COL12A1: variants seen among roughly 807,000 people sequenced by gnomAD.
COL12A1 encodes collagen type XII alpha 1 chain.
COL12A1 carries 114 observed loss-of-function variants against 349.7 expected under a neutral mutation model. The ratio of observed to expected loss-of-function variants is 0.33; its 90% confidence interval spans 0.28 to 0.38. The LOEUF (loss-of-function observed/expected upper bound fraction) is 0.38. Ranked by LOEUF, COL12A1 falls within the 10% of genes least tolerant of loss-of-function variation. COL12A1 has a pLI of 1.00. For missense variants in COL12A1, 3,284 were observed against 3,756.9 expected, an observed-to-expected ratio of 0.87 and a Z score of 3.29; for synonymous variants, 1,369 against 1,329.0, an observed-to-expected ratio of 1.03 and a Z score of -0.66.
At chr6:75,133,713 A>G (rs970958634) in intron 33 of COL12A1, 145 bp downstream of exon 33, 1 of 971,716 alleles carries the variant, frequency 1.0e-6, no homozygotes, top group African/African-American at 1.6e-5. Context: ...TAAGGCATCA[A>G]CTATTTACCC....
Position 75,121,352 on chromosome 6 carries a change from T to C in COL12A1, c.7036A>G (p.Ile2346Val), listed in dbSNP as rs749093020. 2 of 1,612,332 alleles carry C rather than the reference T, an allele frequency of 1.2e-6. No individual in the cohort carries two copies. Among genetic ancestry groups the C allele is most frequent in the South Asian group, 1.1e-5 (1 of 90,844 alleles). Residue 2346 changes from isoleucine to valine, a missense_variant, in exon 44 of 66, where the codon ATC becomes GTC. Ile to Val is a conservative substitution (Grantham distance 29, BLOSUM62 3). This residue lies in a region of COL12A1 where 683 missense variants were observed against 932.1 expected (regional missense o/e 0.73). Transcript: ENST00000322507. ...DDNFNKVVKF[I>V]FNTVGGFDEI... ...TCAAAGCCTCCCACAGTATTGAAGATGAATTTTACAACTTTGTTAAAATTA... is the reference window on the plus strand; with the variant it reads ...TCAAAGCCTCCCACAGTATTGAAGACGAATTTTACAACTTTGTTAAAATTA...
At chr6:75,138,394 T>A in intron 29 of COL12A1, 54 bp from the exon 30 acceptor site, 1 of 1,607,162 alleles carries the variant, frequency 6.2e-7, no homozygotes, top group Non-Finnish European at 8.5e-7. Context: ...TAGCCCTATT[T>A]TTTAAAAATT....
chr6:75,148,220 T>C (rs909941160), intron 22 of COL12A1, 138 bp downstream of exon 22: 3 of 738,250 alleles, frequency 4.1e-6, no homozygotes, highest in African/African-American at 3.6e-5. Context: ...AAGTCAAGAA[T>C]AGAAAGCACT....
intron 13 of COL12A1, among the ~76,000 whole-genome samples, chr6:75,174,096 TATATCTCAAAA>T (rs1398416280): frequency 6.6e-6 from 1 of 152,200 alleles, no homozygotes; most frequent in Non-Finnish European, 1.5e-5. Flanking sequence ...AAGCTGTGAT[TATATCTCAAAA>T]ATCCTAAAAA....
chr6:75,101,030 C>T (rs1244088783), intron 58 of COL12A1, among the ~76,000 whole-genome samples: 1 of 152,092 alleles, frequency 6.6e-6, no homozygotes, highest in Non-Finnish European at 1.5e-5. Flanking sequence ...TTAACTTATC[C>T]TAGAGAAGAC....
chr6:75,153,028 T>A (rs952130366), intron 17 of COL12A1, among the ~76,000 whole-genome samples: 3 of 152,166 alleles, frequency 2.0e-5, no homozygotes, highest in Non-Finnish European at 2.9e-5. Context: ...AGCTGTTAGG[T>A]AACTACCACA....
chr6:75,171,714 C>T (rs1768642755), intron 13 of COL12A1, among the ~76,000 whole-genome samples: 1 of 152,200 alleles, frequency 6.6e-6, no homozygotes, highest in Non-Finnish European at 1.5e-5. Flanking sequence ...GCTTTCCACT[C>T]CCTGCATTTA....
intron 33 of COL12A1, 84 bp from the exon 34 acceptor site, chr6:75,133,506 A>G (rs1247456107): frequency 3.7e-6 from 5 of 1,346,448 alleles, no homozygotes; most frequent in Non-Finnish European, 5.1e-6. Flanking sequence ...TACCAACTCA[A>G]GACCAAGTCA....
At position 75,137,442 on chromosome 6, in the gene COL12A1, G is replaced by T. The variant is rs758884698; in HGVS notation, c.5389C>A (p.Gln1797Lys). ...AATTTTTATTAAAAAATTACCGTTT[G>T]CTCATTGCCTTCCCCTGTGGAAGGC... ...YQPSTGEGNE[Q>K]TTTIGGRQNS... is the part of the protein sequence containing the mutation. Residue 1797 changes from glutamine (Q) to lysine (K), a missense_variant, in exon 31 of 66, where the codon CAA becomes AAA. Around this residue, in one of 2 missense-constraint regions of COL12A1, gnomAD observed 2,601 missense variants for 2,824.8 expected, o/e 0.92. Coordinates refer to ENST00000322507, the MANE Select transcript of COL12A1 (RefSeq NM_004370.6). 5.0e-6 allele frequency: 8 copies of T among 1,589,374 alleles called. No individual in the cohort carries two copies. The East Asian group carries it at 9.0e-5, about 18-fold the overall frequency.
intron 17 of COL12A1, 50 bp downstream of exon 17, chr6:75,154,364 TGA>T: frequency 6.3e-7 from 1 of 1,586,284 alleles, no homozygotes; most frequent in Non-Finnish European, 8.6e-7. Flanking sequence ...AGTTCACATT[TGA>T]AATAGTTTCC....
At position 75,137,671 on chromosome 6, in the gene COL12A1, A is replaced by G. The variant is rs1455991752; in HGVS notation, c.5252-92T>C. 6 of 1,353,798 alleles carry G rather than the reference A, an allele frequency of 4.4e-6. No individual in the cohort carries two copies. In the African/African-American group the frequency reaches 4.4e-5, roughly 10 times the overall value. The allele number at this position is 1,353,798 out of a possible 1,614,324, so 83.9% of individuals were successfully genotyped here. On this transcript the variant is annotated intron_variant, in intron 30 of 65. Coordinates refer to ENST00000322507, the MANE Select transcript of COL12A1 (RefSeq NM_004370.6). ...GCTCCCAAGGCAATCAGAGAATTCT[A>G]TGCCTCTGGGTTTATAATTAAATTC...
At chr6:75,184,853 ACAATAT>A (rs1375999717) in intron 8 of COL12A1, among the ~76,000 whole-genome samples, 1 of 152,226 alleles carries the variant, frequency 6.6e-6, no homozygotes, top group Non-Finnish European at 1.5e-5. Flanking sequence ...GATATTTCAG[ACAATAT>A]CAAAATTCTG....
intron 7 of COL12A1, 75 bp from the exon 8 acceptor site, chr6:75,188,610 C>G (rs1769758125): frequency 2.0e-6 from 3 of 1,488,144 alleles, no homozygotes; most frequent in Admixed American, 1.8e-5. Context: ...TTCGTTTTCT[C>G]CATCTTTCAC....
At chr6:75,149,561 G>T (rs1460802923) in intron 21 of COL12A1, among the ~76,000 whole-genome samples, 1 of 152,054 alleles carries the variant, frequency 6.6e-6, no homozygotes, top group Non-Finnish European at 1.5e-5. Flanking sequence ...AAATGCTGAT[G>T]AAAATGGAAA....
At chr6:75,108,675 T>C (rs866469556) in intron 52 of COL12A1, among the ~76,000 whole-genome samples, 3 of 152,328 alleles carry the variant, frequency 2.0e-5, no homozygotes, top group Middle Eastern at 3.4e-3. Context: ...TTAACAATTA[T>C]TGCTGAAGAA....
rs544779989 is a variant in COL12A1 at position 75,147,809 on chromosome 6, G to A, written c.4288-5C>T. ...TTCCATTCGACTCACATAAAACTAG[G>A]GGGAAAAATTAAACAGAGCAACAAC... On this transcript the variant is annotated splice_region_variant and splice_polypyrimidine_tract_variant and intron_variant, in intron 22 of 65. Coordinates refer to ENST00000322507, the MANE Select transcript of COL12A1 (RefSeq NM_004370.6). 1.2e-4 allele frequency: 194 copies of A among 1,610,696 alleles called. No individual in the cohort carries two copies. The highest frequency in any genetic ancestry group is 1.6e-4 in the Non-Finnish European group (188 of 1,178,750).
intron 51 of COL12A1, among the ~76,000 whole-genome samples, chr6:75,112,670 C>T (rs1197575992): frequency 1.3e-5 from 2 of 151,614 alleles, no homozygotes; most frequent in East Asian, 3.9e-4. Context: ...AAAAATTAAT[C>T]TCATAAACAT....
chr6:75,140,995 TA>T (rs1426600503), intron 27 of COL12A1, among the ~76,000 whole-genome samples: 1 of 152,212 alleles, frequency 6.6e-6, no homozygotes, highest in African/African-American at 2.4e-5. Flanking sequence ...AGAAAAAAGG[TA>T]AAATGTCTCG....
At chr6:75,177,576 T>C in intron 12 of COL12A1, 87 bp downstream of exon 12, 1 of 1,484,652 alleles carries the variant, frequency 6.7e-7, no homozygotes, top group Non-Finnish European at 9.3e-7. Flanking sequence ...AAGTGTCTCA[T>C]TAGTTTTTTA....
Sources: gnomAD v4.1 joint callset for allele counts (sites outside exome capture counted in the v4.1 genomes callset) on GRCh38, gnomAD v4.1.1 for gene constraint, gnomAD v4.1.1 regional missense constraint, MANE v1.5 for transcripts, NCBI Gene and HGNC (gene_info 2026-07-23, HGNC 2026-07-21) for gene names.